SHROOM4: variants seen among roughly 807,000 people sequenced by gnomAD.
SHROOM4 encodes protein Shroom4.
In SHROOM4, 17 loss-of-function variants were observed where a neutral mutation model predicts 80.3. That is an observed-to-expected ratio of 0.21 (90% confidence interval 0.14 to 0.32). The LOEUF (loss-of-function observed/expected upper bound fraction) is 0.32, where lower values mean the gene tolerates loss of function less well. Ranked by LOEUF, SHROOM4 falls within the 10% of genes least tolerant of loss-of-function variation. SHROOM4 has a pLI of 1.00. For missense variants in SHROOM4, 993 were observed against 1,140.3 expected (o/e 0.87, Z 1.86); for synonymous variants, 400 against 437.5 (o/e 0.91, Z 1.07).
rs782624872 is a variant in SHROOM4 at position 50,638,253 on chromosome X, C to T, written c.325G>A (p.Gly109Arg). 5.8e-6 allele frequency: 7 copies of T among 1,209,824 alleles called. No individual in the cohort carries two copies. The highest frequency in any genetic ancestry group is 7.8e-6 in the Non-Finnish European group (7 of 895,068). Residue 109 changes from glycine (G) to arginine (R), a missense_variant, in exon 3 of 9, where the codon GGA becomes AGA. Coordinates refer to ENST00000376020, the MANE Select transcript of SHROOM4 (RefSeq NM_020717.5). ...HSWHVAKLLEGCPEAATTMHF... is the reference protein window; with the variant it reads ...HSWHVAKLLERCPEAATTMHF... The stretch of plus-strand genomic sequence containing the variant: ...ATGGTGGTGGCTGCTTCAGGGCATC[C>T]CTCCAGCAGCTTGGCCACATGCCAT...
intron 7 of SHROOM4, among the ~76,000 whole-genome samples, chrX:50,600,297 T>C (rs1022666615): frequency 2.2e-4 from 24 of 111,612 alleles, no homozygotes; most frequent in African/African-American, 6.8e-4. Flanking sequence ...AATGGCCCTG[T>C]CCCAGGCTGC....
At chrX:50,771,955 A>C (rs1418329024) in intron 1 of SHROOM4, among the ~76,000 whole-genome samples, 1 of 111,410 alleles carries the variant, frequency 9.0e-6, no homozygotes, top group East Asian at 2.8e-4. Flanking sequence ...ACGTATTGTT[A>C]GTTGTAAAAA....
chrX:50,769,161 A>G (rs2147647565), intron 1 of SHROOM4, among the ~76,000 whole-genome samples: 1 of 108,678 alleles, frequency 9.2e-6, no homozygotes, highest in Non-Finnish European at 1.9e-5. Context: ...AAAAAAGAGG[A>G]AAGGAAGGGG....
In SHROOM4 at chrX:50,642,209, C is replaced by T. The variant is rs187697996; in HGVS notation, c.270-3901G>A. On this transcript the variant is annotated intron_variant, in intron 2 of 8. Transcript: ENST00000376020. ...TGTGGCCATGGGCAAGTCACTTCTG[C>T]GAGTTGCAGATTTTTTATCTGCAAA... Among the ~76,000 whole-genome samples the T allele has an allele frequency of 1.8e-4, 20 of 112,173 alleles. No individual in the cohort carries two copies. In the South Asian group the frequency reaches 3.7e-3, roughly 21 times the overall value.
At chrX:50,721,804 C>T (rs1012873845) in intron 1 of SHROOM4, among the ~76,000 whole-genome samples, 1 of 111,828 alleles carries the variant, frequency 8.9e-6, no homozygotes, top group Non-Finnish European at 1.9e-5. Context: ...TTTGCAGCAT[C>T]TACCCCCATA....
Position 50,790,964 on chromosome X carries a change from T to C in SHROOM4, c.117+22938A>G, listed in dbSNP as rs556661228. Among the ~76,000 whole-genome samples, 16 of 110,587 alleles carry C rather than the reference T, an allele frequency of 1.4e-4. No individual in the cohort carries two copies. In the South Asian group the frequency reaches 5.4e-3, roughly 37 times the overall value. On this transcript the variant is annotated intron_variant, in intron 1 of 8. Coordinates refer to ENST00000376020, the MANE Select transcript of SHROOM4 (RefSeq NM_020717.5). Reference sequence around the variant, plus strand: ...GCATAATTAGGCAAGAAAAAATAAGTAAAGGCATCAAAATAAGAAAGAAAC... The same window carrying C: ...GCATAATTAGGCAAGAAAAAATAAGCAAAGGCATCAAAATAAGAAAGAAAC...
chrX:50,687,189 G>A (rs1164269558), intron 2 of SHROOM4: 1 of 110,285 alleles, frequency 9.1e-6, no homozygotes, highest in African/African-American at 3.3e-5. Flanking sequence ...AGTCTGTGAA[G>A]GGCCAGGTAG....
intron 1 of SHROOM4, among the ~76,000 whole-genome samples, chrX:50,752,650 T>C (rs1934947437): frequency 8.9e-6 from 1 of 111,999 alleles, no homozygotes; most frequent in African/African-American, 3.2e-5. Flanking sequence ...TGTGAGTAAA[T>C]GGATTTCAAA....
At chrX:50,681,004 C>T (rs1359780486) in intron 2 of SHROOM4, among the ~76,000 whole-genome samples, 2 of 111,120 alleles carry the variant, frequency 1.8e-5, no homozygotes, top group Non-Finnish European at 3.8e-5. Context: ...CCTTGCCTAC[C>T]CATTCCCTAC....
rs368331048 is a variant in SHROOM4, at chrX:50,634,689, G to A, written c.1384C>T (p.Pro462Ser). The A allele has an allele frequency of 3.3e-6, 4 of 1,209,843 alleles. No individual in the cohort carries two copies. Among genetic ancestry groups the A allele is most frequent in the African/African-American group, 3.5e-5 (2 of 57,041 alleles). ...TGGTCATGGGTTCCTCCTGTAGGGG[G>A]GCATGGACTTTTCTTCCCTTTGTGG... ...SSHKGKKSPC[P>S]PTGGTHDQSS... The change falls in exon 4 of 9, where the codon CCC (proline) becomes TCC (serine). Residue 462 changes from proline to serine, a missense_variant. Pro to Ser is a moderately conservative substitution (Grantham distance 74, BLOSUM62 -1). Transcript: ENST00000376020.
At position 50,608,097 on chromosome X, in the gene SHROOM4, G is replaced by A; in HGVS notation, c.3045C>T (p.Tyr1015=). Residue 1015 remains tyrosine (Y), a synonymous_variant, in exon 6 of 9, where the codon TAC becomes TAT. Transcript: ENST00000376020. The part of the protein sequence containing the change: ...LENPALDLSS[Y]RAISSLDLLG... ...GGAGGTCAAGAGAAGAAATTGCTCGGTAGCTTGACAAGTCCAGTGCTGGGT... is the reference window on the plus strand; with the variant it reads ...GGAGGTCAAGAGAAGAAATTGCTCGATAGCTTGACAAGTCCAGTGCTGGGT... 8.3e-7 allele frequency: 1 copy of A among 1,211,551 alleles called. No individual in the cohort carries two copies. The highest frequency in any genetic ancestry group is 1.1e-6 in the Non-Finnish European group (1 of 895,484).
intron 2 of SHROOM4, among the ~76,000 whole-genome samples, chrX:50,694,622 G>T (rs1159608000): frequency 1.1e-5 from 1 of 89,783 alleles, no homozygotes; most frequent in Non-Finnish European, 2.1e-5. Context: ...ATAAAGGAAG[G>T]TGGGGGCAAA....
At chrX:50,733,418 A>T (rs782733646) in intron 1 of SHROOM4, among the ~76,000 whole-genome samples, 43 of 111,683 alleles carry the variant, frequency 3.9e-4, no homozygotes, top group Non-Finnish European at 7.1e-4. Flanking sequence ...CCTTATGAAT[A>T]AATTAATGCT....
chrX:50,801,886 T>C, intron 1 of SHROOM4, among the ~76,000 whole-genome samples: 1 of 112,178 alleles, frequency 8.9e-6, no homozygotes, highest in Admixed American at 9.4e-5. Flanking sequence ...CATGTGGTCA[T>C]TAGCCTTTTA....
At chrX:50,752,819 T>C (rs1166239849) in intron 1 of SHROOM4, among the ~76,000 whole-genome samples, 1 of 111,805 alleles carries the variant, frequency 8.9e-6, no homozygotes, top group East Asian at 2.8e-4. Flanking sequence ...TGAGAGGACA[T>C]GAAATGGGGA....
Position 50,633,520 on chromosome X carries a change from C to T in SHROOM4, c.2553G>A (p.Gln851=). Residue 851 remains glutamine (Q), a synonymous_variant, in exon 4 of 9, where the codon CAG becomes CAA. Transcript: ENST00000376020. ...ATTCTGAGTAAGTGGGAGTTTCTGACTGAAGGGGTGACATGGAATGATATG... is the reference window on the plus strand; with the variant it reads ...ATTCTGAGTAAGTGGGAGTTTCTGATTGAAGGGGTGACATGGAATGATATG... ...DQSYHSMSPL[Q]SETPTYSECF... The T allele has an allele frequency of 1.7e-6, 2 of 1,211,509 alleles. No homozygotes were observed. Among genetic ancestry groups the T allele is most frequent in the Non-Finnish European group, 2.2e-6 (2 of 895,474 alleles).
intron 2 of SHROOM4, among the ~76,000 whole-genome samples, chrX:50,693,098 T>A (rs1344237400): frequency 9.0e-6 from 1 of 111,080 alleles, no homozygotes; most frequent in East Asian, 2.8e-4. Flanking sequence ...AGAAAATAAA[T>A]TGAAGCTATA....
intron 5 of SHROOM4, among the ~76,000 whole-genome samples, chrX:50,611,144 C>CTTTTTTTTTTTTTTTTTTTTT (rs782473243): frequency 4.1e-4 from 28 of 68,202 alleles, no homozygotes; most frequent in South Asian, 9.5e-4. Context: ...TTCTTTTTTT[C>CTTTTTTTTTTTTTTTTTTTTT]TTTTTTTTTT....
the SHROOM4 span, among the ~76,000 whole-genome samples, chrX:50,578,346 G>T: frequency 8.9e-6 from 1 of 112,191 alleles, no homozygotes; most frequent in African/African-American, 3.2e-5. Flanking sequence ...TCGCTCTGTT[G>T]CACAGGCTAG....
Sources: gnomAD v4.1 joint callset for allele counts (sites outside exome capture counted in the v4.1 genomes callset) on GRCh38, gnomAD v4.1.1 for gene constraint, MANE v1.5 for transcripts, NCBI Gene and HGNC (gene_info 2026-07-23, HGNC 2026-07-21) for gene names.